RNF157: variants seen among roughly 807,000 people sequenced by gnomAD.
The protein encoded by RNF157 is ring finger protein 157.
A neutral mutation model predicts 88.3 loss-of-function variants in RNF157; 55 were observed. The ratio of observed to expected loss-of-function variants is 0.62; its 90% CI spans 0.50 to 0.78. RNF157 has a LOEUF of 0.78. Among genes scored for constraint, RNF157 ranks in the 30% least tolerant of loss-of-function variants. The probability of loss-of-function intolerance (pLI) is 0.00; values close to 1 mark genes in which losing one functional copy is unlikely to be tolerated. For missense variants in RNF157, 788 were observed against 860.8 expected (o/e 0.92, Z 1.06); for synonymous variants, 334 against 341.2 (o/e 0.98, Z 0.23).
At chr17:76,148,019 C>T (rs2068611028) in intron 18 of RNF157, among the ~76,000 whole-genome samples, 1 of 152,140 alleles carries the variant, frequency 6.6e-6, no homozygotes, top group Non-Finnish European at 1.5e-5. Flanking sequence ...AATAGTTCAA[C>T]TGTCTTTGTA....
At chr17:76,164,432 G>A in intron 8 of RNF157, 1 of 213,888 alleles carries the variant, frequency 4.7e-6, no homozygotes, top group Non-Finnish European at 9.1e-6. Flanking sequence ...CCCAATGTTG[G>A]GAAATAAATC....
At chr17:76,169,620 C>G (rs1354815963) in intron 3 of RNF157, among the ~76,000 whole-genome samples, 1 of 147,074 alleles carries the variant, frequency 6.8e-6, no homozygotes, top group Non-Finnish European at 1.5e-5. Context: ...TGATCTGTCA[C>G]CCAGGCTGGA....
intron 6 of RNF157, 98 bp from the exon 7 acceptor site, chr17:76,165,643 G>T: frequency 7.6e-7 from 1 of 1,324,024 alleles, no homozygotes; most frequent in East Asian, 2.3e-5. Context: ...AACCAAATGT[G>T]CCAGTCTGTC....
Position 76,146,692 on chromosome 17 carries a change from C to T in RNF157, c.1922-1339G>A, listed in dbSNP as rs1003384046. ...CACGCACACGTCACATGGCAGAAAC[C>T]GCTAGGTCCTGGAGCTCCTCCATGG... On this transcript the variant is annotated intron_variant, in intron 18 of 18. Coordinates refer to ENST00000269391, the MANE Select transcript of RNF157 (RefSeq NM_052916.3). The surrounding 1 kb of genome is among the most constrained non-coding windows in gnomAD (Gnocchi z 4.2). 5 of 985,362 alleles carry T rather than the reference C, an allele frequency of 5.1e-6. No homozygotes were observed. Among genetic ancestry groups the T allele is most frequent in the Non-Finnish European group, 4.8e-6 (4 of 829,948 alleles). 61.0% of individuals were successfully genotyped at this position (985,362 alleles called of 1,614,324 possible).
intron 2 of RNF157, among the ~76,000 whole-genome samples, chr17:76,203,003 T>A (rs2069612540): frequency 2.0e-5 from 3 of 151,594 alleles, no homozygotes; most frequent in Admixed American, 6.6e-5. Context: ...AATAGTTATC[T>A]TTTTTTTTGA....
intron 2 of RNF157, among the ~76,000 whole-genome samples, chr17:76,187,554 T>G (rs1352059098): frequency 4.6e-5 from 7 of 152,022 alleles, no homozygotes; most frequent in Non-Finnish European, 1.0e-4. Context: ...TAGCATAAAA[T>G]AAAAATCCAT....
At chr17:76,165,639 A>G (rs2068911184) in intron 6 of RNF157, 94 bp from the exon 7 acceptor site, 1 of 1,341,640 alleles carries the variant, frequency 7.5e-7, no homozygotes, top group Non-Finnish European at 1.1e-6. Context: ...GGCAAACCAA[A>G]TGTGCCAGTC....
chr17:76,196,616 C>A (rs574541391), intron 2 of RNF157, among the ~76,000 whole-genome samples: 2 of 152,242 alleles, frequency 1.3e-5, no homozygotes, highest in Non-Finnish European at 2.9e-5. Context: ...GAAGTATGTA[C>A]GGGAGTGTAG....
chr17:76,209,292 AG>A lies in RNF157; in HGVS notation c.207+3071del, dbSNP rs1187658693. Among the ~76,000 whole-genome samples the A allele has an allele frequency of 2.0e-5, 3 of 152,270 alleles. No homozygotes were observed. In the East Asian group the frequency reaches 5.8e-4, roughly 29 times the overall value. On this transcript the variant is annotated intron_variant, in intron 2 of 18. Coordinates refer to ENST00000269391, the MANE Select transcript of RNF157 (RefSeq NM_052916.3). ...AAGGCTGCTACCTAGCATTTCAGAAAGAGCTCAGTCATTCATAGGTCGGCAT... is the reference window on the plus strand; with the variant it reads ...AAGGCTGCTACCTAGCATTTCAGAAAAGCTCAGTCATTCATAGGTCGGCAT...
intron 2 of RNF157, among the ~76,000 whole-genome samples, chr17:76,191,656 C>T (rs1381501070): frequency 6.6e-6 from 1 of 151,026 alleles, no homozygotes; most frequent in African/African-American, 2.4e-5. Context: ...TGCCTGTAGT[C>T]CCAGCTCCTA....
chr17:76,227,118 T>G (rs2070105048), intron 1 of RNF157, among the ~76,000 whole-genome samples: 1 of 126,720 alleles, frequency 7.9e-6, no homozygotes, highest in South Asian at 2.3e-4. Flanking sequence ...TCTTTTTTTG[T>G]TTTTTTTTTT....
intron 2 of RNF157, among the ~76,000 whole-genome samples, chr17:76,177,879 A>G (rs1425079818): frequency 6.6e-6 from 1 of 152,086 alleles, no homozygotes; most frequent in African/African-American, 2.4e-5. Flanking sequence ...AGCTGCAGAG[A>G]AGACAGGATG....
chr17:76,228,408 A>G (rs2070131608), intron 1 of RNF157, among the ~76,000 whole-genome samples: 1 of 152,156 alleles, frequency 6.6e-6, no homozygotes, highest in Non-Finnish European at 1.5e-5. Context: ...TCCAGTCTCA[A>G]GGAGGCATTC....
chr17:76,217,899 C>T lies in RNF157; in HGVS notation c.89-5417G>A, dbSNP rs186609844. 2.4e-3 allele frequency among the ~76,000 whole-genome samples: 358 copies of T among 152,120 alleles called. 4 individuals are homozygous for T. The highest frequency in any genetic ancestry group is 8.3e-3 in the African/African-American group (346 of 41,476). On this transcript the variant is annotated intron_variant, in intron 1 of 18. Transcript: ENST00000269391. Reference sequence around the variant, plus strand: ...TCATACACATATCTCCAAGATTATACGTAAACCGTAAGGTATGAGTGGGAA... The same window carrying T: ...TCATACACATATCTCCAAGATTATATGTAAACCGTAAGGTATGAGTGGGAA...
At position 76,159,531 on chromosome 17, in the gene RNF157, G is replaced by C; in HGVS notation, c.1108C>G (p.Leu370Val). Residue 370 changes from leucine (L) to valine (V), a missense_variant, in exon 12 of 19, where the codon CTG becomes GTG. Physicochemically the swap from Leu to Val is conservative, Grantham distance 32 (BLOSUM62 1). Coordinates refer to ENST00000269391, the MANE Select transcript of RNF157 (RefSeq NM_052916.3). ...IPPGYEVVSLLEALNGPLTPS... is the reference protein window; with the variant it reads ...IPPGYEVVSLVEALNGPLTPS... Reference sequence around the variant, plus strand: ...GTGAGGGGCCCGTTGAGGGCCTCCAGAAGAGATACTACTTCATAGCCTGGT... The same window carrying C: ...GTGAGGGGCCCGTTGAGGGCCTCCACAAGAGATACTACTTCATAGCCTGGT... 1 of 1,602,896 alleles carries C rather than the reference G, an allele frequency of 6.2e-7. No homozygotes were observed. Among genetic ancestry groups the C allele is most frequent in the Non-Finnish European group, 8.5e-7 (1 of 1,177,114 alleles).
chr17:76,206,946 C>T (rs943590595), intron 2 of RNF157, among the ~76,000 whole-genome samples: 5 of 152,192 alleles, frequency 3.3e-5, no homozygotes, highest in African/African-American at 1.2e-4. Flanking sequence ...AGAACTACCT[C>T]CATGCTACAA....
In RNF157 at chr17:76,185,621, T is replaced by C. The variant is rs180821443; in HGVS notation, c.208-11831A>G. Among the ~76,000 whole-genome samples the C allele has an allele frequency of 9.0e-3, 1,370 of 151,780 alleles. 94 individuals are homozygous for C. In the East Asian group the frequency reaches 0.19, roughly 21 times the overall value. The stretch of plus-strand genomic sequence containing the variant: ...AGTAGCTGGGACTACAGGCACCCGC[T>C]ACCACGCCCGGCTAATTTTTTGTAT... On this transcript the variant is annotated intron_variant, in intron 2 of 18. Coordinates refer to ENST00000269391, the MANE Select transcript of RNF157 (RefSeq NM_052916.3).
rs1244931977 is a variant in RNF157 at position 76,142,903 on chromosome 17, CAT to C, written c.*2330_*2331del. The C allele has an allele frequency of 1.3e-5, 2 of 152,304 alleles. No individual in the cohort carries two copies. The highest frequency in any genetic ancestry group is 2.9e-5 in the Non-Finnish European group (2 of 68,076). 9.4% of individuals were successfully genotyped at this position (152,304 alleles called of 1,614,324 possible). ...GCAGCAGGAAGGAGCCCTGGGTCTCCATAGTTAGGCTGTGCCCTGTGGGAGAA... is the reference window on the plus strand; with the variant it reads ...GCAGCAGGAAGGAGCCCTGGGTCTCCAGTTAGGCTGTGCCCTGTGGGAGAA... On this transcript the variant is annotated 3_prime_UTR_variant, in exon 19 of 19. Coordinates refer to ENST00000269391, the MANE Select transcript of RNF157 (RefSeq NM_052916.3).
At chr17:76,209,990 C>T (rs2069754235) in intron 2 of RNF157, among the ~76,000 whole-genome samples, 2 of 152,182 alleles carry the variant, frequency 1.3e-5, no homozygotes, top group Non-Finnish European at 2.9e-5. Context: ...GATCTCTTGA[C>T]CTTGTGATCC....
Sources: allele counts gnomAD v4.1 joint callset (sites outside exome capture counted in the v4.1 genomes callset), GRCh38; gene constraint gnomAD v4.1.1; non-coding constraint Gnocchi (gnomAD v3.1); transcripts MANE v1.5; gene names NCBI Gene and HGNC (gene_info 2026-07-23, HGNC 2026-07-21).